LAMC2: variants seen among roughly 807,000 people sequenced by gnomAD.
LAMC2 encodes laminin subunit gamma-2.
A neutral mutation model predicts 140.2 loss-of-function variants in LAMC2; 97 were observed. The observed-to-expected ratio is 0.69, with a 90% CI of 0.59 to 0.82. The LOEUF (loss-of-function observed/expected upper bound fraction) is 0.82. Among genes scored for constraint, LAMC2 ranks in the 40% least tolerant of loss-of-function variants. The pLI, the probability that LAMC2 is intolerant of heterozygous loss-of-function variation, is 0.00. For synonymous variants in LAMC2, 513 were observed against 540.2 expected (o/e 0.95, Z 0.70); for missense variants, 1,402 against 1,476.1 (o/e 0.95, Z 0.82).
At chr1:183,200,525 G>A (rs1558081377) in intron 1 of LAMC2, among the ~76,000 whole-genome samples, 2 of 152,148 alleles carry the variant, frequency 1.3e-5, no homozygotes, top group Admixed American at 6.5e-5. Context: ...ATGAGATCCC[G>A]ATGAACTGCT....
the LAMC2 span, among the ~76,000 whole-genome samples, chr1:183,256,439 A>T: frequency 3.9e-5 from 6 of 152,178 alleles, no homozygotes; most frequent in Admixed American, 6.5e-5. Flanking sequence ...TAAAAAATTT[A>T]AAAAATGGCC....
chr1:183,192,791 G>A (rs533445393), intron 1 of LAMC2, among the ~76,000 whole-genome samples: 25 of 152,130 alleles, frequency 1.6e-4, no homozygotes, highest in Admixed American at 6.5e-4. Context: ...CAACCTCCCC[G>A]CCTCCCAGCT....
In LAMC2 at chr1:183,208,049, C is replaced by A. The variant is rs746487237; in HGVS notation, c.248C>A (p.Pro83His). The part of the protein sequence containing the change: ...YRHRERDRCL[P>H]CNCNSKGSLS... ...CACAGAGAAAGGGACCGCTGTTTGC[C>A]CTGCAATTGTAACTCCAAAGGTAGC... is the stretch of plus-strand genomic sequence containing the variant. Residue 83 changes from proline (P) to histidine (H), a missense_variant, in exon 2 of 23, where the codon CCC (proline) becomes CAC (histidine). Physicochemically the swap from Pro to His is moderately conservative, Grantham distance 77 (BLOSUM62 -2). Coordinates refer to ENST00000264144, the MANE Select transcript of LAMC2 (RefSeq NM_005562.3). 1 of 1,613,872 alleles carries A rather than the reference C, an allele frequency of 6.2e-7. No homozygotes were observed. The highest frequency in any genetic ancestry group is 8.5e-7 in the Non-Finnish European group (1 of 1,179,992).
intron 11 of LAMC2, 44 bp from the exon 12 acceptor site, chr1:183,230,917 T>C: frequency 1.2e-6 from 2 of 1,612,676 alleles, no homozygotes; most frequent in South Asian, 1.1e-5. Context: ...CTCCACTTTC[T>C]AGACTAGTTT....
At chr1:183,246,774 T>C (rs16860673), downstream of LAMC2, among the ~76,000 whole-genome samples, 992 of 152,318 alleles carry the variant, frequency 6.5e-3, 11 homozygotes, top group African/African-American at 0.023. Flanking sequence ...ATGTTTTGCA[T>C]GGTAATGGGA....
At chr1:183,209,968 A>G (rs1393591646) in intron 2 of LAMC2, among the ~76,000 whole-genome samples, 5 of 152,184 alleles carry the variant, frequency 3.3e-5, no homozygotes, top group Non-Finnish European at 5.9e-5. Context: ...GGAGCCCAGT[A>G]TTGATTTATG....
chr1:183,197,438 G>A (rs519350), intron 1 of LAMC2, among the ~76,000 whole-genome samples: 48,042 of 151,774 alleles, frequency 0.32, 7,868 homozygotes, highest in East Asian at 0.43. Context: ...ACTTTGGGAC[G>A]GTGAGGTGGG....
At chr1:183,204,168 G>A (rs1658809367) in intron 1 of LAMC2, among the ~76,000 whole-genome samples, 1 of 152,146 alleles carries the variant, frequency 6.6e-6, no homozygotes, top group African/African-American at 2.4e-5. Flanking sequence ...GCATGCATCT[G>A]TGGTCCCAGC....
chr1:183,209,468 C>A (rs538570017), intron 2 of LAMC2, among the ~76,000 whole-genome samples: 1 of 152,334 alleles, frequency 6.6e-6, no homozygotes, highest in East Asian at 1.9e-4. Context: ...ACCTAAGTTG[C>A]TGTCACAATG....
At position 183,228,631 on chromosome 1, in the gene LAMC2, C is replaced by T; in HGVS notation, c.1714+12C>T. On this transcript the variant is annotated intron_variant, in intron 11 of 22. Transcript: ENST00000264144. The surrounding 1 kb of genome is among the most constrained non-coding windows in gnomAD (Gnocchi z 4.3). ...AGACAAGTGTCGAGGTAGGACTCCACCCCAGGCAGGCTGTGTCTGTGCGTG... is the reference window on the plus strand; with the variant it reads ...AGACAAGTGTCGAGGTAGGACTCCATCCCAGGCAGGCTGTGTCTGTGCGTG... 1 of 1,613,732 alleles carries T rather than the reference C, an allele frequency of 6.2e-7. No individual in the cohort carries two copies. The highest frequency in any genetic ancestry group is 1.3e-5 in the African/African-American group (1 of 75,044).
rs1660030437 is a variant in LAMC2, at chr1:183,238,370, A to G, written c.2818A>G (p.Met940Val). The G allele has an allele frequency of 6.2e-7, 1 of 1,614,120 alleles. No homozygotes were observed. The highest frequency in any genetic ancestry group is 8.5e-7 in the Non-Finnish European group (1 of 1,179,964). The stretch of plus-strand genomic sequence containing the variant: ...AAGCAGAGCACAAGAAGCACTGAGT[A>G]TGGGCAATGCCACTTTTTATGAAGT... ...AKSRAQEALSMGNATFYEVES... is the reference protein window; with the variant it reads ...AKSRAQEALSVGNATFYEVES... Residue 940 changes from methionine (M) to valine (V), a missense_variant, in exon 19 of 23, where the codon ATG becomes GTG. By Grantham distance (21) the Met-to-Val change is conservative. Coordinates refer to ENST00000264144, the MANE Select transcript of LAMC2 (RefSeq NM_005562.3).
Position 183,240,021 on chromosome 1 carries a change from G to C in LAMC2, c.3070-19G>C. 1.9e-6 allele frequency: 3 copies of C among 1,614,006 alleles called. No homozygotes were observed. The highest frequency in any genetic ancestry group is 1.7e-5 in the Admixed American group (1 of 60,026). On this transcript the variant is annotated intron_variant, in intron 20 of 22. Transcript: ENST00000264144. ...ACCCCTATCTCTCCTTCCGTCCCTG[G>C]CTCCTTTTCTTCTCTCAGGAGATTG...
At chr1:183,255,370 T>C in the LAMC2 span, among the ~76,000 whole-genome samples, 1 of 152,216 alleles carries the variant, frequency 6.6e-6, no homozygotes, top group Non-Finnish European at 1.5e-5. Flanking sequence ...ACTTTTTTTT[T>C]CTCATAATTG....
At chr1:183,234,258 T>C in intron 14 of LAMC2, 109 bp from the exon 15 acceptor site, 1 of 777,642 alleles carries the variant, frequency 1.3e-6, no homozygotes, top group Non-Finnish European at 2.3e-6. Context: ...TGGAACCCTG[T>C]GTGGCTAATG....
chr1:183,256,622 C>T, the LAMC2 span, among the ~76,000 whole-genome samples: 2 of 152,172 alleles, frequency 1.3e-5, no homozygotes, highest in African/African-American at 4.8e-5. Flanking sequence ...ATATGTTAAA[C>T]CAGCCTTGTG....
In LAMC2 at chr1:183,231,074, C is replaced by A. The variant is rs751763956; in HGVS notation, c.1828C>A (p.Pro610Thr). ...CTGTGAGCATGGAGCATTCAGCTGT[C>A]CAGCTTGCTATAATCAAGTGAAGAT... Reference protein sequence around the residue: ...PNCEHGAFSCPACYNQVKIQM... With the variant: ...PNCEHGAFSCTACYNQVKIQM... Residue 610 changes from proline to threonine, a missense_variant, in exon 12 of 23, where the codon CCA becomes ACA. By Grantham distance (38) the Pro-to-Thr change is conservative. This residue lies in a region of LAMC2 where 723 missense variants were observed against 783.3 expected (regional missense o/e 0.92). Coordinates refer to ENST00000264144, the MANE Select transcript of LAMC2 (RefSeq NM_005562.3). The A allele has an allele frequency of 6.2e-7, 1 of 1,614,110 alleles. No homozygotes were observed. Among genetic ancestry groups the A allele is most frequent in the East Asian group, 2.2e-5 (1 of 44,884 alleles).
At chr1:183,227,364 C>T (rs907304236) in intron 9 of LAMC2, 151 bp from the exon 10 acceptor site, 1 of 803,796 alleles carries the variant, frequency 1.2e-6, no homozygotes, top group Non-Finnish European at 2.2e-6. Context: ...AGATTTGGTT[C>T]TATGGGAGGG....
At position 183,191,304 on chromosome 1, in the gene LAMC2, G is replaced by A. The variant is rs142809972; in HGVS notation, c.79+4873G>A. Among the ~76,000 whole-genome samples, 10 of 152,220 alleles carry A rather than the reference G, an allele frequency of 6.6e-5. No homozygotes were observed. In the East Asian group the frequency reaches 1.9e-3, roughly 29 times the overall value. ...AGGTGGGCTGGAAATTCCCATATGGGCTTAAATTCTGGGTGTTCTAAACTG... is the reference window on the plus strand; with the variant it reads ...AGGTGGGCTGGAAATTCCCATATGGACTTAAATTCTGGGTGTTCTAAACTG... On this transcript the variant is annotated intron_variant, in intron 1 of 22. Transcript: ENST00000264144.
At chr1:183,207,471 G>A in intron 1 of LAMC2, among the ~76,000 whole-genome samples, 1 of 152,232 alleles carries the variant, frequency 6.6e-6, no homozygotes, top group East Asian at 1.9e-4. Flanking sequence ...TGAGTCCGCA[G>A]CTGCCCATCC....
Sources: allele counts gnomAD v4.1 joint callset (sites outside exome capture counted in the v4.1 genomes callset), GRCh38; gene constraint gnomAD v4.1.1; regional missense constraint gnomAD v4.1.1; non-coding constraint Gnocchi (gnomAD v3.1); transcripts MANE v1.5; gene names NCBI Gene and HGNC (gene_info 2026-07-23, HGNC 2026-07-21).